The following NLGN1 variants were observed in gnomAD, a reference collection of about 807,000 sequenced individuals.
NLGN1 encodes the protein neuroligin 1, also known as neuroligin-1.
A neutral mutation model predicts 65.5 loss-of-function variants in NLGN1; 12 were observed. The ratio of observed to expected loss-of-function variants is 0.18; its 90% CI spans 0.12 to 0.30. The LOEUF (loss-of-function observed/expected upper bound fraction) is 0.30, where lower values mean the gene tolerates loss of function less well. NLGN1 is among the 10% of genes least tolerant of loss of function. NLGN1 has a pLI of 1.00. For synonymous variants in NLGN1, 350 were observed against 359.5 expected, an observed-to-expected ratio of 0.97 and a Z score of 0.30; for missense variants, 750 against 1,007.1, an observed-to-expected ratio of 0.74 and a Z score of 3.46.
intron 4 of NLGN1, among the ~76,000 whole-genome samples, chr3:173,974,187 A>G (rs1402174241): frequency 6.6e-6 from 1 of 151,968 alleles, no homozygotes; most frequent in African/African-American, 2.4e-5. Flanking sequence ...ATGAAACTGT[A>G]AAGTTTTAGA....
chr3:173,666,608 A>T (rs185026827), intron 3 of NLGN1, among the ~76,000 whole-genome samples: 173 of 152,316 alleles, frequency 1.1e-3, no homozygotes, highest in Non-Finnish European at 9.6e-4. Context: ...ATTCCCTAAC[A>T]GGGACTCTCT....
chr3:173,441,255 GTT>G (rs2148796471), intron 2 of NLGN1, among the ~76,000 whole-genome samples: 1 of 152,242 alleles, frequency 6.6e-6, no homozygotes, highest in South Asian at 2.1e-4. Context: ...GCAATAACGC[GTT>G]GTTTTGCTTT....
At chr3:173,464,208 T>C (rs979390785) in intron 2 of NLGN1, among the ~76,000 whole-genome samples, 14 of 152,126 alleles carry the variant, frequency 9.2e-5, no homozygotes, top group Admixed American at 3.3e-4. Flanking sequence ...ATATGTGCAT[T>C]ATCTCTATCC....
chr3:173,488,997 T>G (rs1424906237), intron 2 of NLGN1, among the ~76,000 whole-genome samples: 1 of 151,954 alleles, frequency 6.6e-6, no homozygotes, highest in African/African-American at 2.4e-5. Context: ...TCTCCTCAAC[T>G]ACACCTAATC....
chr3:174,053,903 T>A (rs1735469442), intron 4 of NLGN1, among the ~76,000 whole-genome samples: 1 of 152,096 alleles, frequency 6.6e-6, no homozygotes, highest in East Asian at 1.9e-4. Flanking sequence ...AACTCTGAAA[T>A]TTTCAATATA....
chr3:173,399,184 G>A (rs1453219239), intron 1 of NLGN1, among the ~76,000 whole-genome samples: 2 of 152,224 alleles, frequency 1.3e-5, no homozygotes, highest in Non-Finnish European at 2.9e-5. Context: ...GAAAGTGGAA[G>A]TTAATCATTA....
intron 1 of NLGN1, among the ~76,000 whole-genome samples, chr3:173,406,972 C>CA (rs1465545553): frequency 1.3e-5 from 2 of 151,990 alleles, no homozygotes; most frequent in Non-Finnish European, 2.9e-5. Flanking sequence ...ATTAAGATAT[C>CA]AAAAACATGA....
intron 4 of NLGN1, among the ~76,000 whole-genome samples, chr3:174,071,717 C>CA (rs539244392): frequency 0.036 from 3,384 of 92,880 alleles, 73 homozygotes; most frequent in South Asian, 0.12. Flanking sequence ...GACCCTGTCC[C>CA]AAAAAAAAAA....
chr3:173,764,607 C>G (rs575102377), intron 3 of NLGN1, among the ~76,000 whole-genome samples: 14 of 152,200 alleles, frequency 9.2e-5, no homozygotes, highest in Non-Finnish European at 1.9e-4. Flanking sequence ...TGGGCTACCA[C>G]AAAAGTTTTA....
chr3:174,066,516 G>GTCTC (rs373763421), intron 4 of NLGN1, among the ~76,000 whole-genome samples: 3,789 of 66,842 alleles, frequency 0.057, 241 homozygotes, highest in Non-Finnish European at 0.077. Context: ...TATGGAACAA[G>GTCTC]TCTCTCTCTC....
chr3:173,436,114 A>C (rs542003507), intron 2 of NLGN1, among the ~76,000 whole-genome samples: 48 of 152,308 alleles, frequency 3.2e-4, no homozygotes, highest in Admixed American at 1.8e-3. Context: ...CAATTTACCA[A>C]ACACTGAGTG....
chr3:173,495,070 T>C (rs909653859), intron 2 of NLGN1, among the ~76,000 whole-genome samples: 2 of 151,830 alleles, frequency 1.3e-5, no homozygotes, highest in Admixed American at 6.6e-5. Flanking sequence ...TTAAGTTTTG[T>C]TGAATCTTTT....
At chr3:173,477,953 T>C (rs1034151431) in intron 2 of NLGN1, among the ~76,000 whole-genome samples, 1 of 152,198 alleles carries the variant, frequency 6.6e-6, no homozygotes, top group African/African-American at 2.4e-5. Context: ...ATACTGTTGG[T>C]GTGAATGTAA....
At chr3:174,291,248 A>C (rs2152904951), downstream of NLGN1, among the ~76,000 whole-genome samples, 1 of 151,070 alleles carries the variant, frequency 6.6e-6, no homozygotes, top group South Asian at 2.1e-4. Context: ...AAGATAGAAA[A>C]AGAAGACTCA....
At chr3:174,108,590 C>T (rs557261336) in intron 4 of NLGN1, among the ~76,000 whole-genome samples, 1 of 152,128 alleles carries the variant, frequency 6.6e-6, no homozygotes, top group African/African-American at 2.4e-5. Context: ...GAGCTCAATT[C>T]TGGATAAAGC....
At chr3:173,622,355 A>G (rs1171622378) in intron 3 of NLGN1, among the ~76,000 whole-genome samples, 1 of 152,112 alleles carries the variant, frequency 6.6e-6, no homozygotes, top group African/African-American at 2.4e-5. Flanking sequence ...TGTGAGAAGT[A>G]CAGATGGGAC....
intron 4 of NLGN1, among the ~76,000 whole-genome samples, chr3:173,867,443 A>T (rs1730381474): frequency 6.6e-6 from 1 of 152,094 alleles, no homozygotes; most frequent in Non-Finnish European, 1.5e-5. Context: ...TACGGTTCTG[A>T]CTTTTATTAT....
intron 4 of NLGN1, among the ~76,000 whole-genome samples, chr3:174,002,684 C>T (rs889537607): frequency 6.6e-6 from 1 of 152,004 alleles, no homozygotes; most frequent in African/African-American, 2.4e-5. Context: ...TGTTAAAAAC[C>T]ACAGTGAATT....
At chr3:173,583,195 A>G (rs1746676916) in intron 2 of NLGN1, among the ~76,000 whole-genome samples, 1 of 152,210 alleles carries the variant, frequency 6.6e-6, no homozygotes, top group Non-Finnish European at 1.5e-5. Flanking sequence ...GATTATTCAG[A>G]TTATATTGAT....
Sources: allele counts gnomAD v4.1 joint callset (sites outside exome capture counted in the v4.1 genomes callset), GRCh38; gene constraint gnomAD v4.1.1; transcripts MANE v1.5; gene names NCBI Gene and HGNC (gene_info 2026-07-23, HGNC 2026-07-21).